Variants in USH2A observed in about 807,000 individuals in gnomAD.
USH2A encodes the protein usherin, also known as Usher syndrome 2A (autosomal recessive, mild).
Under a neutral mutation model 538.9 loss-of-function variants are expected in USH2A, and 443 were observed. The ratio of observed to expected loss-of-function variants is 0.82; its 90% confidence interval spans 0.76 to 0.89. USH2A has a LOEUF of 0.89. Among genes scored for constraint, USH2A ranks in the 40% least tolerant of loss-of-function variants. The probability of loss-of-function intolerance (pLI) is 0.00; values close to 1 mark genes in which losing one functional copy is unlikely to be tolerated. For synonymous variants in USH2A, 2,413 were observed against 2,273.5 expected, an observed-to-expected ratio of 1.06 and a Z score of -1.75; for missense variants, 6,633 against 6,324.8, an observed-to-expected ratio of 1.05 and a Z score of -1.65.
At chr1:215,860,984 C>T (rs1664299259) in intron 44 of USH2A, among the ~76,000 whole-genome samples, 1 of 152,216 alleles carries the variant, frequency 6.6e-6, no homozygotes. Context: ...CTAAGCAGCT[C>T]TTGGAAAATT....
At chr1:215,874,879 C>A (rs980546229) in intron 43 of USH2A, among the ~76,000 whole-genome samples, 7 of 152,120 alleles carry the variant, frequency 4.6e-5, no homozygotes, top group African/African-American at 1.7e-4. Context: ...CAATTAAAAA[C>A]CCAGGAAAAC....
intron 30 of USH2A, among the ~76,000 whole-genome samples, chr1:216,056,648 G>A (rs1019596481): frequency 1.3e-5 from 2 of 152,124 alleles, no homozygotes; most frequent in African/African-American, 4.8e-5. Context: ...GTGTTAAGAG[G>A]TTCAAATTTA....
rs147509797 is a variant in USH2A, at chr1:216,292,337, G to A, written c.1678C>T (p.Pro560Ser). ...TAAACTTGATCACCTTGGCGGAAAG[G>A]CTTGTCATTATAAAGAGGCAAGCAG... ...DRCLPLYNDK[P>S]FRQGDQVYAF... Residue 560 changes from proline (P) to serine (S), a missense_variant, in exon 10 of 72, where the codon CCT (proline) becomes TCT (serine). Transcript: ENST00000307340. 6 of 1,613,986 alleles carry A rather than the reference G, an allele frequency of 3.7e-6. No homozygotes were observed. Among genetic ancestry groups the A allele is most frequent in the Non-Finnish European group, 4.2e-6 (5 of 1,179,932 alleles).
chr1:215,657,658 C>G (rs553374318), intron 64 of USH2A, among the ~76,000 whole-genome samples: 3 of 152,116 alleles, frequency 2.0e-5, no homozygotes, highest in Admixed American at 6.6e-5. Flanking sequence ...CAAGATAGAA[C>G]GTGATTTTAA....
At chr1:215,685,018 A>ATGAT (rs1658368621) in intron 61 of USH2A, among the ~76,000 whole-genome samples, 1 of 152,100 alleles carries the variant, frequency 6.6e-6, no homozygotes, top group Non-Finnish European at 1.5e-5. Context: ...ATGATAAGGA[A>ATGAT]TGATTATACC....
At chr1:216,050,362 A>T (rs1477605636) in intron 30 of USH2A, among the ~76,000 whole-genome samples, 1 of 152,064 alleles carries the variant, frequency 6.6e-6, no homozygotes, top group East Asian at 2.0e-4. Flanking sequence ...AAGGCCTTGC[A>T]GGCCTCACAT....
chr1:216,324,027 T>A, intron 7 of USH2A, 141 bp downstream of exon 7: 1 of 909,744 alleles, frequency 1.1e-6, no homozygotes, highest in Non-Finnish European at 1.6e-6. Context: ...TTAAGCCCAA[T>A]TTAGGGATAA....
chr1:216,113,630 G>A (rs1245745739), intron 21 of USH2A, among the ~76,000 whole-genome samples: 1 of 151,938 alleles, frequency 6.6e-6, no homozygotes, highest in Non-Finnish European at 1.5e-5. Flanking sequence ...TGATCTGTAA[G>A]CGTTTTTTCC....
At chr1:215,833,663 G>A (rs934164130) in intron 47 of USH2A, among the ~76,000 whole-genome samples, 2 of 151,956 alleles carry the variant, frequency 1.3e-5, no homozygotes, top group African/African-American at 4.8e-5. Flanking sequence ...AATACCAGAT[G>A]CACAAACTGT....
intron 21 of USH2A, among the ~76,000 whole-genome samples, chr1:216,133,649 T>C (rs2033423638): frequency 6.6e-6 from 1 of 152,258 alleles, no homozygotes; most frequent in African/African-American, 2.4e-5. Context: ...ATTTATTCCC[T>C]ATTTAATGCT....
At chr1:216,194,614 T>G (rs2034796729) in intron 19 of USH2A, among the ~76,000 whole-genome samples, 1 of 152,112 alleles carries the variant, frequency 6.6e-6, no homozygotes, top group African/African-American at 2.4e-5. Flanking sequence ...GATTAAGGAA[T>G]CTACCATATC....
At chr1:215,748,225 C>T (rs1660536631) in intron 58 of USH2A, among the ~76,000 whole-genome samples, 1 of 152,124 alleles carries the variant, frequency 6.6e-6, no homozygotes, top group Non-Finnish European at 1.5e-5. Context: ...TCTTGGTTCA[C>T]TGCAACCTCT....
chr1:216,252,218 G>A (rs777068040), intron 11 of USH2A, among the ~76,000 whole-genome samples: 22 of 152,144 alleles, frequency 1.4e-4, no homozygotes, highest in Non-Finnish European at 2.6e-4. Context: ...TTCATAAGTG[G>A]ACATATGTAT....
chr1:216,343,371 CAAAA>C lies in USH2A; in HGVS notation c.785-15721_785-15718del, dbSNP rs1206103461. ...GACAACATAGTAAGAACCATCTCTACAAAAAAAAAAAAAAAAAAATTAGCCAGGC... is the reference window on the plus strand; with the variant it reads ...GACAACATAGTAAGAACCATCTCTACAAAAAAAAAAAAAAATTAGCCAGGC... On this transcript the variant is annotated intron_variant, in intron 4 of 71. Coordinates refer to ENST00000307340, the MANE Select transcript of USH2A (RefSeq NM_206933.4). Among the ~76,000 whole-genome samples, 634 of 87,628 alleles carry C rather than the reference CAAAA, an allele frequency of 7.2e-3. 6 individuals carry two copies. Among genetic ancestry groups the C allele is most frequent in the African/African-American group, 0.023 (603 of 26,330 alleles). 57.5% of individuals were successfully genotyped at this position (87,628 alleles called of 152,430 possible).
rs561827387 is a variant in USH2A at position 216,148,073 on chromosome 1, C to T, written c.4627+27179G>A. 1.6e-3 allele frequency among the ~76,000 whole-genome samples: 237 copies of T among 151,722 alleles called. 1 individual carries two copies. The highest frequency in any genetic ancestry group is 3.1e-3 in the East Asian group (16 of 5,112). On this transcript the variant is annotated intron_variant, in intron 21 of 71. Coordinates refer to ENST00000307340, the MANE Select transcript of USH2A (RefSeq NM_206933.4). Reference sequence around the variant, plus strand: ...CTAGACCATCACGGACGCCGAGCTTCGGGTAACTCTCACAATGGAAGGTAA... The same window carrying T: ...CTAGACCATCACGGACGCCGAGCTTTGGGTAACTCTCACAATGGAAGGTAA...
At chr1:215,846,061 G>A (rs1280368283) in intron 44 of USH2A, 28 bp from the exon 45 acceptor site, 1 of 1,604,884 alleles carries the variant, frequency 6.2e-7, no homozygotes, top group African/African-American at 1.3e-5. Context: ...AGGACATGGT[G>A]AATGTAGCTG....
Position 215,912,488 on chromosome 1 carries a change from T to C in USH2A, c.7301-11583A>G, listed in dbSNP as rs1200317697. 2.6e-3 allele frequency among the ~76,000 whole-genome samples: 47 copies of C among 18,352 alleles called. 1 individual carries two copies. Among genetic ancestry groups the C allele is most frequent in the African/African-American group, 1.0e-2 (47 of 4,718 alleles). 12.0% of individuals were successfully genotyped at this position (18,352 alleles called of 152,430 possible). A position where few individuals can be genotyped will look rare whatever the true frequency, so the allele number is the denominator to read the frequency against. On this transcript the variant is annotated intron_variant, in intron 38 of 71. Coordinates refer to ENST00000307340, the MANE Select transcript of USH2A (RefSeq NM_206933.4). ...ATATATATATATACGTATATATATATATGTGTATATATATATATATATACG... is the reference window on the plus strand; with the variant it reads ...ATATATATATATACGTATATATATACATGTGTATATATATATATATATACG...
At chr1:216,268,142 C>T (rs2036510303) in intron 11 of USH2A, among the ~76,000 whole-genome samples, 1 of 152,018 alleles carries the variant, frequency 6.6e-6, no homozygotes, top group South Asian at 2.1e-4. Flanking sequence ...GGTTCTGTGG[C>T]TGCAGTCCTG....
At chr1:216,249,441 C>T (rs529003994) in intron 12 of USH2A, among the ~76,000 whole-genome samples, 2 of 152,234 alleles carry the variant, frequency 1.3e-5, no homozygotes, top group African/African-American at 4.8e-5. Context: ...CTTGCTTTAA[C>T]TTTTGTTTTC....
Sources: allele counts gnomAD v4.1 joint callset (sites outside exome capture counted in the v4.1 genomes callset), GRCh38; gene constraint gnomAD v4.1.1; transcripts MANE v1.5; gene names NCBI Gene and HGNC (gene_info 2026-07-23, HGNC 2026-07-21).